The following MIPEP variants were observed in gnomAD, a reference collection of about 807,000 sequenced individuals.
The protein encoded by MIPEP is mitochondrial intermediate peptidase.
MIPEP carries 79 observed loss-of-function variants against 90.3 expected under a neutral mutation model. That is an observed-to-expected ratio of 0.87 (90% CI 0.73 to 1.05). The LOEUF (loss-of-function observed/expected upper bound fraction) is 1.05. Among genes scored for constraint, MIPEP ranks in the 50% least tolerant of loss-of-function variants. The pLI is 0.00. For synonymous variants in MIPEP, 334 were observed against 315.8 expected (o/e 1.06, Z -0.61); for missense variants, 940 against 905.6 (o/e 1.04, Z -0.49).
At chr13:23,753,798 A>G (rs764781906) in intron 18 of MIPEP, among the ~76,000 whole-genome samples, 4 of 152,206 alleles carry the variant, frequency 2.6e-5, no homozygotes, top group Non-Finnish European at 5.9e-5. Flanking sequence ...AAAGACAAAT[A>G]ATCTAAAAGT....
chr13:23,746,621 G>C lies in MIPEP; in HGVS notation c.2044+9924C>G, dbSNP rs144532275. On this transcript the variant is annotated intron_variant, in intron 18 of 18. Coordinates refer to ENST00000382172, the MANE Select transcript of MIPEP (RefSeq NM_005932.4). Reference sequence around the variant, plus strand: ...TGCACTCCACCCTGGGTGAGAGAGAGAGACTCCCTCTCAAAAAAAAAAAAA... The same window carrying C: ...TGCACTCCACCCTGGGTGAGAGAGACAGACTCCCTCTCAAAAAAAAAAAAA... Among the ~76,000 whole-genome samples the C allele has an allele frequency of 3.2e-3, 411 of 129,966 alleles. 1 individual carries two copies. The highest frequency in any genetic ancestry group is 0.011 in the African/African-American group (369 of 35,122). 85.3% of individuals were successfully genotyped at this position (129,966 alleles called of 152,430 possible).
chr13:23,736,849 G>C (rs1952269940), intron 18 of MIPEP, among the ~76,000 whole-genome samples: 1 of 152,126 alleles, frequency 6.6e-6, no homozygotes, highest in Non-Finnish European at 1.5e-5. Context: ...AACACACCTT[G>C]AGACACCTAT....
intron 10 of MIPEP, among the ~76,000 whole-genome samples, chr13:23,854,652 G>A (rs183012702): frequency 1.3e-3 from 198 of 152,218 alleles, no homozygotes; most frequent in African/African-American, 4.6e-3. Context: ...AGCACTTTGG[G>A]AGGCTGAGGC....
chr13:23,879,222 C>T (rs759310407), intron 4 of MIPEP, 46 bp downstream of exon 4: 10 of 1,178,776 alleles, frequency 8.5e-6, no homozygotes, highest in Non-Finnish European at 1.3e-5. Flanking sequence ...CCCAACCTCA[C>T]CTCTAGAGTC....
At chr13:23,776,089 C>T (rs1199776823) in intron 16 of MIPEP, among the ~76,000 whole-genome samples, 1 of 151,880 alleles carries the variant, frequency 6.6e-6, no homozygotes, top group Admixed American at 6.6e-5. Context: ...AATCTCTGTA[C>T]CCCCCATCTA....
intron 16 of MIPEP, among the ~76,000 whole-genome samples, chr13:23,790,192 G>C (rs1372172771): frequency 6.6e-6 from 1 of 152,108 alleles, no homozygotes; most frequent in African/African-American, 2.4e-5. Flanking sequence ...CTCCAACTCT[G>C]ATTTTGCTGA....
At chr13:23,828,880 G>T (rs1868600862) in intron 14 of MIPEP, among the ~76,000 whole-genome samples, 1 of 152,152 alleles carries the variant, frequency 6.6e-6, no homozygotes, top group South Asian at 2.1e-4. Context: ...AATCGAGGAA[G>T]GCCTATCCTT....
Position 23,756,593 on chromosome 13 carries a change from C to T in MIPEP, c.1996G>A (p.Glu666Lys), listed in dbSNP as rs755227116. The part of the protein sequence containing the change: ...NRAAGERYRR[E>K]MLAHGGGREP... ...CTGCCTCCACCGTGGGCCAGCATCTCCCTGCGATAGCGCTCCCCGGCAGCC... is the reference window on the plus strand; with the variant it reads ...CTGCCTCCACCGTGGGCCAGCATCTTCCTGCGATAGCGCTCCCCGGCAGCC... The change falls in exon 18 of 19, where the codon GAG becomes AAG. Residue 666 changes from glutamate (E) to lysine (K), a missense_variant. Glu to Lys is a moderately conservative substitution (Grantham distance 56). Transcript: ENST00000382172. 4 of 1,613,786 alleles carry T rather than the reference C, an allele frequency of 2.5e-6. No homozygotes were observed. The East Asian group carries it at 6.7e-5, about 27-fold the overall frequency.
At chr13:23,840,183 C>G (rs930910335) in intron 11 of MIPEP, among the ~76,000 whole-genome samples, 4 of 152,182 alleles carry the variant, frequency 2.6e-5, no homozygotes, top group Admixed American at 2.6e-4. Context: ...ACTATCTATC[C>G]CCTCTCCAAG....
chr13:23,814,455 G>A (rs559449343), intron 14 of MIPEP, among the ~76,000 whole-genome samples: 20 of 151,916 alleles, frequency 1.3e-4, no homozygotes, highest in Admixed American at 1.2e-3. Context: ...TAGAGACGGG[G>A]TTTCACTGTA....
intron 4 of MIPEP, among the ~76,000 whole-genome samples, chr13:23,878,083 T>A (rs999230726): frequency 8.5e-5 from 13 of 152,246 alleles, no homozygotes; most frequent in Non-Finnish European, 7.3e-5. Context: ...AACAGGGGCA[T>A]GTCGATCTTC....
intron 15 of MIPEP, among the ~76,000 whole-genome samples, chr13:23,808,456 C>G (rs1002791750): frequency 6.6e-6 from 1 of 152,138 alleles, no homozygotes; most frequent in Non-Finnish European, 1.5e-5. Flanking sequence ...CCTTTCCACC[C>G]GTGTTCATCT....
At position 23,870,102 on chromosome 13, in the gene MIPEP, G is replaced by A. The variant is rs1408492962; in HGVS notation, c.697C>T (p.Leu233Phe). ...TNFPNKIEKH[L>F]LPEHIRRNFT... The stretch of plus-strand genomic sequence containing the variant: ...TTACGACGAATGTGTTCTGGTAAGA[G>A]ATGCTTCTCAATCTTGTTGGGAAAA... The change falls in exon 6 of 19, where the codon CTC becomes TTC. Residue 233 changes from leucine to phenylalanine, a missense_variant. Physicochemically the swap from Leu to Phe is conservative, Grantham distance 22 (BLOSUM62 0). Transcript: ENST00000382172. The A allele has an allele frequency of 3.7e-6, 6 of 1,612,726 alleles. No individual in the cohort carries two copies. In the Admixed American group the frequency reaches 8.4e-5, roughly 22 times the overall value.
At chr13:23,854,516 C>T (rs756858794) in intron 10 of MIPEP, among the ~76,000 whole-genome samples, 6 of 152,160 alleles carry the variant, frequency 3.9e-5, no homozygotes, top group East Asian at 1.9e-4. Flanking sequence ...TATGTGAATG[C>T]GCTTGAGATT....
intron 14 of MIPEP, among the ~76,000 whole-genome samples, chr13:23,818,980 G>A (rs1294186375): frequency 6.6e-6 from 1 of 152,144 alleles, no homozygotes; most frequent in East Asian, 1.9e-4. Context: ...GACCTGACCT[G>A]GACAAATGTG....
rs1871191799 is a variant in MIPEP at position 23,879,321 on chromosome 13, C to T, written c.486G>A (p.Leu162=). 1 of 1,601,888 alleles carries T rather than the reference C, an allele frequency of 6.2e-7. No homozygotes were observed. Among genetic ancestry groups the T allele is most frequent in the African/African-American group, 1.3e-5 (1 of 74,692 alleles). ...LNTNVDLYQS[L]QKLLADKKLV... Reference sequence around the variant, plus strand: ...GTTTTTTATCAGCTAGTAATTTTTGCAAACTTTGATATAAATCCACATTTG... The same window carrying T: ...GTTTTTTATCAGCTAGTAATTTTTGTAAACTTTGATATAAATCCACATTTG... Residue 162 remains leucine (L), a synonymous_variant, in exon 4 of 19, where the codon TTG becomes TTA. Transcript: ENST00000382172.
intron 16 of MIPEP, among the ~76,000 whole-genome samples, chr13:23,779,437 A>G (rs1192790193): frequency 6.6e-6 from 1 of 152,156 alleles, no homozygotes; most frequent in Non-Finnish European, 1.5e-5. Context: ...ACAACAAAAA[A>G]CCATAAAACA....
chr13:23,864,753 G>T (rs67767475), intron 7 of MIPEP, among the ~76,000 whole-genome samples: 1 of 27,826 alleles, frequency 3.6e-5, no homozygotes, highest in Admixed American at 3.4e-4. Context: ...AAAAAAAAAA[G>T]AGTTAATGGG....
rs79729686 is a variant in MIPEP, at chr13:23,834,460, C to T, written c.1653+1780G>A. On this transcript the variant is annotated intron_variant, in intron 14 of 18. Transcript: ENST00000382172. ...GTAACACCCTAGTCAGGCTCTGTCT[C>T]AGTTCCCCTAGGAATTAAAGACCGC... is the stretch of plus-strand genomic sequence containing the variant. Among the ~76,000 whole-genome samples the T allele has an allele frequency of 8.8e-4, 134 of 152,316 alleles. 1 individual carries two copies. In the East Asian group the frequency reaches 0.023, roughly 26 times the overall value.
Sources: allele counts gnomAD v4.1 joint callset (sites outside exome capture counted in the v4.1 genomes callset), GRCh38; gene constraint gnomAD v4.1.1; transcripts MANE v1.5; gene names NCBI Gene and HGNC (gene_info 2026-07-23, HGNC 2026-07-21).